DGKD: variants seen among roughly 807,000 people sequenced by gnomAD.
DGKD encodes diacylglycerol kinase delta, also known as DAG kinase delta.
Under a neutral mutation model 154.4 loss-of-function variants are expected in DGKD, and 68 were observed. The ratio of observed to expected loss-of-function variants is 0.44; its 90% confidence interval spans 0.36 to 0.54. The LOEUF (loss-of-function observed/expected upper bound fraction) is 0.54, where lower values mean the gene tolerates loss of function less well. DGKD is among the 20% of genes least tolerant of loss of function. DGKD has a pLI of 0.00. For missense variants in DGKD, 1,343 were observed against 1,593.6 expected (o/e 0.84, Z 2.68); for synonymous variants, 693 against 638.0 (o/e 1.09, Z -1.30).
chr2:233,423,174 AGTT>A (rs1199328785), intron 3 of DGKD, among the ~76,000 whole-genome samples: 33 of 152,320 alleles, frequency 2.2e-4, no homozygotes, highest in African/African-American at 7.9e-4. Flanking sequence ...GCATCCGAAT[AGTT>A]TCCAGCTTTT....
At chr2:233,434,350 T>C (rs956240179) in intron 3 of DGKD, 30 bp from the exon 4 acceptor site, 1 of 1,578,264 alleles carries the variant, frequency 6.3e-7, no homozygotes, top group Non-Finnish European at 8.7e-7. Flanking sequence ...CTTTTGTTCA[T>C]GGATCTGTTG....
chr2:233,448,407 T>C lies in DGKD; in HGVS notation c.1614+32T>C, dbSNP rs754940856. 46 of 1,597,768 alleles carry C rather than the reference T, an allele frequency of 2.9e-5. 3 individuals are homozygous for C. The South Asian group carries it at 5.0e-4, about 17-fold the overall frequency. On this transcript the variant is annotated intron_variant, in intron 14 of 29. Transcript: ENST00000264057. The stretch of plus-strand genomic sequence containing the variant: ...TCCCGTGCCCTGGGTGGGAGGGGCA[T>C]TGAGGCAGCGAGAAGCTTGCTCTGT...
At chr2:233,397,028 C>G (rs1284323296) in intron 3 of DGKD, among the ~76,000 whole-genome samples, 4 of 4,654 alleles carry the variant, frequency 8.6e-4, no homozygotes, top group Non-Finnish European at 1.1e-3. Flanking sequence ...GGGGGGGGGG[C>G]GCCAGAGTGA....
At chr2:233,363,376 T>A (rs1217139827) in intron 1 of DGKD, among the ~76,000 whole-genome samples, 1 of 152,126 alleles carries the variant, frequency 6.6e-6, no homozygotes, top group Non-Finnish European at 1.5e-5. Flanking sequence ...GGTTATAGAA[T>A]AAGGATATAA....
At chr2:233,396,206 G>T (rs1005261305) in intron 3 of DGKD, among the ~76,000 whole-genome samples, 6 of 152,158 alleles carry the variant, frequency 3.9e-5, no homozygotes, top group Admixed American at 1.3e-4. Context: ...CTTCTCTCTT[G>T]TGCAATGCGG....
At chr2:233,427,011 C>T (rs1316608180) in intron 3 of DGKD, among the ~76,000 whole-genome samples, 2 of 152,158 alleles carry the variant, frequency 1.3e-5, no homozygotes, top group African/African-American at 2.4e-5. Context: ...TCTGCTCTTA[C>T]TGATTTTTAA....
chr2:233,454,274 G>T, intron 18 of DGKD: 1 of 429,868 alleles, frequency 2.3e-6, no homozygotes, highest in South Asian at 1.7e-5. Flanking sequence ...TAGCCACGCA[G>T]TGGAGTATTA....
chr2:233,447,818 G>C (rs2063135416), intron 12 of DGKD: 2 of 1,265,356 alleles, frequency 1.6e-6, no homozygotes, highest in East Asian at 4.1e-5. Context: ...CCTAGCACAG[G>C]CCGTGCTGGG....
intron 11 of DGKD, among the ~76,000 whole-genome samples, 196 bp from the exon 12 acceptor site, chr2:233,446,516 T>C (rs536871189): frequency 1.9e-4 from 29 of 152,370 alleles, no homozygotes; most frequent in African/African-American, 6.5e-4. Context: ...TTTATGGAGC[T>C]GTACTGCCGT....
intron 1 of DGKD, among the ~76,000 whole-genome samples, chr2:233,368,623 G>A (rs1014583698): frequency 1.3e-5 from 2 of 152,136 alleles, no homozygotes; most frequent in Non-Finnish European, 2.9e-5. Flanking sequence ...AATGTTCGAG[G>A]TAAGGATTTG....
chr2:233,397,537 G>GA (rs1491081676), intron 3 of DGKD, among the ~76,000 whole-genome samples: 2 of 770 alleles, frequency 2.6e-3, no homozygotes, highest in Admixed American at 0.012. Context: ...AGGGTGGCTG[G>GA]GGGGGGGGGG....
intron 3 of DGKD, among the ~76,000 whole-genome samples, chr2:233,427,044 T>TCCA (rs1185548358): frequency 6.6e-6 from 1 of 152,210 alleles, no homozygotes; most frequent in Non-Finnish European, 1.5e-5. Flanking sequence ...TCAAGAGAAT[T>TCCA]CCAGCAGGTG....
intron 24 of DGKD, among the ~76,000 whole-genome samples, chr2:233,461,170 G>A (rs2063624225): frequency 2.0e-5 from 3 of 152,362 alleles, no homozygotes; most frequent in Middle Eastern, 6.8e-3. Context: ...CCGCCTGTGA[G>A]TCCCTCCCAG....
chr2:233,406,671 A>G (rs1162411136), intron 3 of DGKD, among the ~76,000 whole-genome samples: 3 of 152,158 alleles, frequency 2.0e-5, no homozygotes, highest in African/African-American at 7.2e-5. Context: ...TAAGTATTTT[A>G]TTTTTGGCAC....
chr2:233,425,334 C>T (rs910016312), intron 3 of DGKD, among the ~76,000 whole-genome samples: 13 of 151,980 alleles, frequency 8.6e-5, no homozygotes, highest in African/African-American at 2.9e-4. Flanking sequence ...CCACAGGCGC[C>T]CGCCACCACG....
intron 10 of DGKD, 173 bp downstream of exon 10, chr2:233,442,168 G>A (rs758377306): frequency 4.2e-6 from 3 of 718,938 alleles, no homozygotes; most frequent in Non-Finnish European, 7.5e-6. Flanking sequence ...GAGAGCCTGG[G>A]CCACCCCCTG....
At chr2:233,374,133 C>T (rs112588281) in intron 1 of DGKD, among the ~76,000 whole-genome samples, 2,239 of 151,344 alleles carry the variant, frequency 0.015, 52 homozygotes, top group African/African-American at 0.051. Flanking sequence ...TCACTGCAAC[C>T]TCCACCTCCC....
chr2:233,422,213 T>C (rs2062141748), intron 3 of DGKD, among the ~76,000 whole-genome samples: 1 of 152,248 alleles, frequency 6.6e-6, no homozygotes, highest in East Asian at 1.9e-4. Flanking sequence ...AGTGCACTAC[T>C]GTTTGAGGGC....
Position 233,456,937 on chromosome 2 carries a change from G to A in DGKD, c.2414G>A (p.Gly805Glu), listed in dbSNP as rs141979258. The A allele has an allele frequency of 1.2e-6, 2 of 1,614,080 alleles. No homozygotes were observed. The highest frequency in any genetic ancestry group is 1.7e-6 in the Non-Finnish European group (2 of 1,180,042). The part of the protein sequence containing the change: ...TKNMMWYGVL[G>E]TKELLHRTYK... ...AACATGATGTGGTATGGAGTTCTTGGAACCAAAGAGTTGCTGCACAGAACC... is the reference window on the plus strand; with the variant it reads ...AACATGATGTGGTATGGAGTTCTTGAAACCAAAGAGTTGCTGCACAGAACC... The change falls in exon 20 of 30, where the codon GGA (glycine) becomes GAA (glutamate). Residue 805 changes from glycine to glutamate, a missense_variant. Gly to Glu is a moderately conservative substitution (Grantham distance 98). Around this residue, in one of 6 missense-constraint regions of DGKD, gnomAD observed 60 missense variants for 112.4 expected, o/e 0.53. Transcript: ENST00000264057.
Sources: allele counts gnomAD v4.1 joint callset (sites outside exome capture counted in the v4.1 genomes callset), GRCh38; gene constraint gnomAD v4.1.1; regional missense constraint gnomAD v4.1.1; transcripts MANE v1.5; gene names NCBI Gene and HGNC (gene_info 2026-07-23, HGNC 2026-07-21).